CDK14: variants seen among roughly 807,000 people sequenced by gnomAD.
CDK14 encodes the protein cyclin-dependent kinase 14.
Under a neutral mutation model 60.7 loss-of-function variants are expected in CDK14, and 34 were observed. The observed-to-expected ratio is 0.56, with a 90% CI of 0.43 to 0.75. The LOEUF (loss-of-function observed/expected upper bound fraction) is 0.75. Among genes scored for constraint, CDK14 ranks in the 30% least tolerant of loss-of-function variants. The probability of loss-of-function intolerance (pLI) is 0.00; values close to 1 mark genes in which losing one functional copy is unlikely to be tolerated. For missense variants in CDK14, 482 were observed against 564.1 expected (o/e 0.85, Z 1.47); for synonymous variants, 197 against 203.7 (o/e 0.97, Z 0.28).
intron 10 of CDK14, among the ~76,000 whole-genome samples, chr7:91,011,868 A>C (rs1796168368): frequency 6.6e-6 from 1 of 151,248 alleles, no homozygotes; most frequent in Non-Finnish European, 1.5e-5. Context: ...ATACCTATGT[A>C]ATTTTCTTTT....
intron 9 of CDK14, among the ~76,000 whole-genome samples, chr7:90,972,238 G>T (rs1794953232): frequency 6.6e-6 from 1 of 152,118 alleles, no homozygotes; most frequent in African/African-American, 2.4e-5. Flanking sequence ...GATATATTGT[G>T]CCTATCTGTG....
At chr7:90,778,953 CTTTT>C (rs1018808742) in intron 4 of CDK14, among the ~76,000 whole-genome samples, 1 of 144,648 alleles carries the variant, frequency 6.9e-6, no homozygotes, top group Non-Finnish European at 1.5e-5. Context: ...CTTCTTTTCT[CTTTT>C]TTAAGACATG....
chr7:90,866,233 T>TACACATAC (rs779097069), intron 6 of CDK14, among the ~76,000 whole-genome samples: 4 of 140,292 alleles, frequency 2.9e-5, no homozygotes, highest in South Asian at 2.4e-4. Flanking sequence ...CACATACACA[T>TACACATAC]ACACACACAC....
intron 2 of CDK14, among the ~76,000 whole-genome samples, chr7:90,609,175 C>T (rs1329718719): frequency 2.6e-5 from 4 of 152,088 alleles, no homozygotes; most frequent in South Asian, 4.2e-4. Context: ...CACAGGCATC[C>T]ACCACCACCT....
At chr7:90,930,649 G>T (rs1387102674) in intron 8 of CDK14, among the ~76,000 whole-genome samples, 1 of 146,904 alleles carries the variant, frequency 6.8e-6, no homozygotes, top group African/African-American at 2.5e-5. Context: ...TTGAATCATA[G>T]AAATGTTTGA....
At chr7:90,963,102 T>A (rs917166904) in intron 9 of CDK14, among the ~76,000 whole-genome samples, 2 of 151,190 alleles carry the variant, frequency 1.3e-5, no homozygotes, top group East Asian at 2.0e-4. Context: ...TGTGTGTGTG[T>A]GTGTGTGTGT....
chr7:90,939,894 A>T (rs1793864853), intron 8 of CDK14, among the ~76,000 whole-genome samples: 1 of 152,098 alleles, frequency 6.6e-6, no homozygotes, highest in South Asian at 2.1e-4. Flanking sequence ...TGTTCCACCC[A>T]GTCTTTAACT....
intron 10 of CDK14, among the ~76,000 whole-genome samples, chr7:91,008,952 T>G (rs1413223475): frequency 6.6e-6 from 1 of 152,174 alleles, no homozygotes; most frequent in Non-Finnish European, 1.5e-5. Flanking sequence ...ACATTCAAGA[T>G]AGTGATCTAT....
chr7:90,710,541 AGT>A, intron 2 of CDK14: 4 of 985,262 alleles, frequency 4.1e-6, no homozygotes, highest in Non-Finnish European at 4.8e-6. Context: ...ACCTGCTTTA[AGT>A]GTGTACTGCT....
At chr7:90,651,538 C>G (rs1296483166) in intron 2 of CDK14, among the ~76,000 whole-genome samples, 1 of 152,158 alleles carries the variant, frequency 6.6e-6, no homozygotes, top group Non-Finnish European at 1.5e-5. Context: ...AATCAGCTTC[C>G]TGTATTAAAT....
intron 5 of CDK14, among the ~76,000 whole-genome samples, chr7:90,855,908 G>A (rs552091552): frequency 1.3e-5 from 2 of 152,196 alleles, no homozygotes; most frequent in South Asian, 2.1e-4. Flanking sequence ...AATAGGTATC[G>A]ATGCTAAGGA....
intron 3 of CDK14, among the ~76,000 whole-genome samples, chr7:90,727,439 C>A (rs775806895): frequency 6.6e-6 from 1 of 152,080 alleles, no homozygotes; most frequent in Non-Finnish European, 1.5e-5. Context: ...TAGTGATTTA[C>A]AAGTTAGAAA....
chr7:90,757,812 A>T (rs1804144601), intron 4 of CDK14, among the ~76,000 whole-genome samples: 1 of 152,070 alleles, frequency 6.6e-6, no homozygotes, highest in East Asian at 1.9e-4. Context: ...CATGTTGCCC[A>T]GACTGGTCTC....
intron 14 of CDK14, among the ~76,000 whole-genome samples, chr7:91,166,922 A>G (rs1444851707): frequency 6.6e-6 from 1 of 152,254 alleles, no homozygotes; most frequent in East Asian, 1.9e-4. Flanking sequence ...TGATAATATT[A>G]TCCAGAAAAG....
intron 2 of CDK14, among the ~76,000 whole-genome samples, chr7:90,710,737 C>T (rs1043946699): frequency 6.6e-6 from 1 of 152,068 alleles, no homozygotes; most frequent in African/African-American, 2.4e-5. Flanking sequence ...AGCAGACAGC[C>T]TACTCCAATG....
chr7:90,947,255 A>C (rs887032893), intron 8 of CDK14, among the ~76,000 whole-genome samples: 1 of 152,038 alleles, frequency 6.6e-6, no homozygotes, highest in Non-Finnish European at 1.5e-5. Context: ...TATCCCTTTC[A>C]GTCTCCCTCA....
At chr7:90,608,504 T>G (rs1477068538) in intron 2 of CDK14, 2 of 968,002 alleles carry the variant, frequency 2.1e-6, no homozygotes, top group African/African-American at 3.5e-5. Flanking sequence ...ACTCATGCAG[T>G]TCTGCTTTAT....
At chr7:91,068,652 C>G (rs1260849947) in intron 11 of CDK14, among the ~76,000 whole-genome samples, 1 of 152,054 alleles carries the variant, frequency 6.6e-6, no homozygotes, top group Non-Finnish European at 1.5e-5. Flanking sequence ...CATTTTCCGA[C>G]TCTGATCTCC....
intron 5 of CDK14, among the ~76,000 whole-genome samples, chr7:90,821,905 A>T (rs1208154345): frequency 1.3e-5 from 2 of 151,706 alleles, no homozygotes; most frequent in Admixed American, 6.6e-5. Flanking sequence ...ACCCCTGCCC[A>T]CTCATTGTCC....
Sources: allele counts gnomAD v4.1 joint callset (sites outside exome capture counted in the v4.1 genomes callset), GRCh38; gene constraint gnomAD v4.1.1; transcripts MANE v1.5; gene names NCBI Gene and HGNC (gene_info 2026-07-23, HGNC 2026-07-21).